The following STX8 variants were observed in gnomAD, a reference collection of about 807,000 sequenced individuals.
The protein encoded by STX8 is syntaxin-8.
Under a neutral mutation model 37.5 loss-of-function variants are expected in STX8, and 23 were observed. The observed-to-expected ratio is 0.61, with a 90% CI of 0.44 to 0.87. STX8 has a LOEUF of 0.87. Among genes scored for constraint, STX8 ranks in the 40% least tolerant of loss-of-function variants. The pLI, the probability that STX8 is intolerant of heterozygous loss-of-function variation, is 0.00. For synonymous variants in STX8, 115 were observed against 99.1 expected (o/e 1.16, Z -0.95); for missense variants, 313 against 284.7 (o/e 1.10, Z -0.71).
intron 5 of STX8, among the ~76,000 whole-genome samples, chr17:9,497,760 ACTT>A (rs575710410): frequency 3.2e-4 from 49 of 152,284 alleles, no homozygotes; most frequent in Admixed American, 5.2e-4. Flanking sequence ...CATACATGAG[ACTT>A]CTTCTTTTTC....
At chr17:9,304,240 T>A (rs969612437) in intron 7 of STX8, among the ~76,000 whole-genome samples, 4 of 152,068 alleles carry the variant, frequency 2.6e-5, no homozygotes, top group African/African-American at 4.8e-5. Context: ...CCGGGTGCTG[T>A]GGCTCACGCC....
intron 7 of STX8, among the ~76,000 whole-genome samples, chr17:9,278,937 CAG>C (rs772359482): frequency 6.6e-6 from 1 of 152,180 alleles, no homozygotes; most frequent in Non-Finnish European, 1.5e-5. Flanking sequence ...CAAGCATTTA[CAG>C]AGAGTCTATT....
Position 9,378,623 on chromosome 17 carries a change from T to C in STX8, c.572A>G (p.Glu191Gly). Residue 191 changes from glutamate (E) to glycine (G), a missense_variant, in exon 7 of 8, where the codon GAG (glutamate) becomes GGG (glycine). Physicochemically the swap from Glu to Gly is moderately conservative, Grantham distance 98. Coordinates refer to ENST00000306357, the MANE Select transcript of STX8 (RefSeq NM_004853.3). Reference sequence around the variant, plus strand: ...ATTGCGAAGTTTTTCATCTGTGTTCTCCACTAGGTTGGCAAGGTCGTCAAT... The same window carrying C: ...ATTGCGAAGTTTTTCATCTGTGTTCCCCACTAGGTTGGCAAGGTCGTCAAT... ...EIIDDLANLV[E>G]NTDEKLRNET... is the part of the protein sequence containing the mutation. 1.2e-6 allele frequency: 2 copies of C among 1,613,806 alleles called. No homozygotes were observed. Among genetic ancestry groups the C allele is most frequent in the Non-Finnish European group, 1.7e-6 (2 of 1,179,758 alleles).
intron 6 of STX8, 149 bp from the exon 7 acceptor site, chr17:9,378,802 A>G: frequency 1.7e-6 from 1 of 592,684 alleles, no homozygotes; most frequent in Non-Finnish European, 3.0e-6. Context: ...TGAAAACTGC[A>G]ATTCTGATTG....
chr17:9,425,559 T>C (rs1766596644), intron 6 of STX8, among the ~76,000 whole-genome samples: 1 of 152,216 alleles, frequency 6.6e-6, no homozygotes, highest in Non-Finnish European at 1.5e-5. Flanking sequence ...ACACGGACTT[T>C]AAATATTATC....
chr17:9,260,568 G>A (rs994699501), intron 7 of STX8, among the ~76,000 whole-genome samples: 2 of 152,200 alleles, frequency 1.3e-5, no homozygotes, highest in Admixed American at 6.5e-5. Context: ...AGGTTGCAGT[G>A]AGCCGAGATC....
At chr17:9,353,901 T>A (rs962699065) in intron 7 of STX8, among the ~76,000 whole-genome samples, 12 of 152,110 alleles carry the variant, frequency 7.9e-5, no homozygotes, top group African/African-American at 2.9e-4. Context: ...ATGATTAATG[T>A]ATAAGCTAAA....
intron 7 of STX8, among the ~76,000 whole-genome samples, chr17:9,349,917 T>G (rs1317269147): frequency 1.3e-5 from 2 of 152,082 alleles, no homozygotes; most frequent in Non-Finnish European, 2.9e-5. Flanking sequence ...ATTTTTCTTT[T>G]GTAGAGATGG....
chr17:9,336,528 C>T (rs1910145889), intron 7 of STX8, among the ~76,000 whole-genome samples: 1 of 151,954 alleles, frequency 6.6e-6, no homozygotes, highest in African/African-American at 2.4e-5. Context: ...CTCCGCTTCC[C>T]AGGTTAAAGC....
At chr17:9,270,533 C>T (rs529815457) in intron 7 of STX8, among the ~76,000 whole-genome samples, 8 of 152,054 alleles carry the variant, frequency 5.3e-5, no homozygotes, top group South Asian at 2.1e-4. Context: ...GGATTACAGG[C>T]GTGAGCAACC....
At chr17:9,505,604 ATGT>A (rs1011104305) in intron 4 of STX8, among the ~76,000 whole-genome samples, 1 of 152,134 alleles carries the variant, frequency 6.6e-6, no homozygotes, top group Admixed American at 6.5e-5. Context: ...ACAGATTACA[ATGT>A]TGTTGTTGTT....
In STX8 at chr17:9,345,156, C is replaced by T. The variant is rs1004058849; in HGVS notation, c.643+33396G>A. ...TATACACACAGCTCTCATTTTCTTT[C>T]TTTTTTTTTTTTAGATGGAGTTTTG... On this transcript the variant is annotated intron_variant, in intron 7 of 7. Transcript: ENST00000306357. Among the ~76,000 whole-genome samples, 57 of 145,244 alleles carry T rather than the reference C, an allele frequency of 3.9e-4. 1 individual carries two copies. The highest frequency in any genetic ancestry group is 6.5e-4 in the Non-Finnish European group (43 of 65,730).
At chr17:9,289,109 A>T (rs979522645) in intron 7 of STX8, among the ~76,000 whole-genome samples, 8 of 152,248 alleles carry the variant, frequency 5.3e-5, no homozygotes, top group Non-Finnish European at 1.0e-4. Context: ...ACCGGAAGCT[A>T]GTAGTCAAGG....
chr17:9,510,553 T>G (rs1400953099), intron 4 of STX8, among the ~76,000 whole-genome samples: 2 of 152,196 alleles, frequency 1.3e-5, no homozygotes, highest in African/African-American at 4.8e-5. Flanking sequence ...GAATGGAATT[T>G]TAAAATTCCT....
Position 9,507,986 on chromosome 17 carries a change from T to C in STX8, c.324-2824A>G, listed in dbSNP as rs556198298. Among the ~76,000 whole-genome samples the C allele has an allele frequency of 3.3e-5, 5 of 152,200 alleles. No homozygotes were observed. The East Asian group carries it at 5.8e-4, about 18-fold the overall frequency. On this transcript the variant is annotated intron_variant, in intron 4 of 7. Coordinates refer to ENST00000306357, the MANE Select transcript of STX8 (RefSeq NM_004853.3). This position sits in a 1 kb window ranked among gnomAD's most constrained non-coding sequence, Gnocchi z 4.0. Reference sequence around the variant, plus strand: ...AGAGGCAATTATTCCACCAGATGCATAGACATCAACATAGGGATACATCGA... The same window carrying C: ...AGAGGCAATTATTCCACCAGATGCACAGACATCAACATAGGGATACATCGA...
chr17:9,517,986 T>C (rs1313092616), intron 4 of STX8, among the ~76,000 whole-genome samples: 1 of 152,092 alleles, frequency 6.6e-6, no homozygotes, highest in Non-Finnish European at 1.5e-5. Context: ...TTGGGGGGGC[T>C]AGATTTAGAA....
chr17:9,365,475 A>G (rs991761458), intron 7 of STX8, among the ~76,000 whole-genome samples: 1 of 152,270 alleles, frequency 6.6e-6, no homozygotes, highest in Non-Finnish European at 1.5e-5. Flanking sequence ...ACATGTAGAC[A>G]TGGAAAAGGT....
At chr17:9,493,890 T>C (rs572085836) in intron 5 of STX8, among the ~76,000 whole-genome samples, 1 of 152,152 alleles carries the variant, frequency 6.6e-6, no homozygotes, top group Non-Finnish European at 1.5e-5. Context: ...AACACAGAGA[T>C]GTTTATAAAT....
chr17:9,375,259 C>T (rs1911544046), intron 7 of STX8, among the ~76,000 whole-genome samples: 2 of 151,914 alleles, frequency 1.3e-5, no homozygotes, highest in Non-Finnish European at 1.5e-5. Flanking sequence ...GTTTTCCAAA[C>T]GTATTTTAGT....
Sources: gnomAD v4.1 joint callset for allele counts (sites outside exome capture counted in the v4.1 genomes callset) on GRCh38, gnomAD v4.1.1 for gene constraint, Gnocchi (gnomAD v3.1) non-coding constraint, MANE v1.5 for transcripts, NCBI Gene and HGNC (gene_info 2026-07-23, HGNC 2026-07-21) for gene names.